Variants in SLC39A11 observed in about 807,000 individuals in gnomAD.
SLC39A11 encodes the protein solute carrier family 39 member 11, also known as zinc transporter ZIP11.
SLC39A11 carries 33 observed loss-of-function variants against 36.1 expected under a neutral mutation model. The observed-to-expected ratio is 0.91, with a 90% CI of 0.69 to 1.22. SLC39A11 has a LOEUF of 1.22. Ranked by LOEUF, SLC39A11 falls within the 50% of genes most tolerant of loss-of-function variation. The pLI, the probability that SLC39A11 is intolerant of heterozygous loss-of-function variation, is 0.00. For synonymous variants in SLC39A11, 166 were observed against 170.3 expected, an observed-to-expected ratio of 0.97 and a Z score of 0.20; for missense variants, 432 against 430.3, an observed-to-expected ratio of 1.00 and a Z score of -0.03.
intron 5 of SLC39A11, among the ~76,000 whole-genome samples, chr17:72,887,920 C>T (rs557105434): frequency 8.5e-5 from 13 of 152,312 alleles, no homozygotes; most frequent in Non-Finnish European, 1.8e-4. Context: ...AGTACTCTTC[C>T]CCACTTCTCA....
At chr17:72,788,387 A>G (rs1206264007) in intron 6 of SLC39A11, among the ~76,000 whole-genome samples, 2 of 152,218 alleles carry the variant, frequency 1.3e-5, no homozygotes, top group African/African-American at 4.8e-5. Flanking sequence ...ATGACATGAC[A>G]TTAGCATCTA....
intron 3 of SLC39A11, among the ~76,000 whole-genome samples, chr17:73,061,839 C>A (rs2059848804): frequency 6.6e-6 from 1 of 151,652 alleles, no homozygotes; most frequent in South Asian, 2.1e-4. Flanking sequence ...TACAAAAAAA[C>A]ACGAAAATTA....
At chr17:73,009,832 T>C (rs201487612) in intron 4 of SLC39A11, among the ~76,000 whole-genome samples, 109 of 152,222 alleles carry the variant, frequency 7.2e-4, no homozygotes, top group East Asian at 3.9e-3. Context: ...TGGTGTGCTG[T>C]ACCCATTAAC....
At chr17:73,078,485 G>T (rs556936252) in intron 3 of SLC39A11, among the ~76,000 whole-genome samples, 4 of 136,266 alleles carry the variant, frequency 2.9e-5, no homozygotes, top group African/African-American at 1.1e-4. Flanking sequence ...TTGTTTGTTT[G>T]TTTTTTGTTG....
rs780844080 is a variant in SLC39A11 at position 73,025,388 on chromosome 17, G to C, written c.306+6168C>G. ...CAAACCAAGCTGCGAAAAGCAAGCA[G>C]CAACAACACAGACAGTATGTTGCCA... is the stretch of plus-strand genomic sequence containing the variant. On this transcript the variant is annotated intron_variant, in intron 4 of 9. Transcript: ENST00000255559. 3.9e-5 allele frequency among the ~76,000 whole-genome samples: 6 copies of C among 152,188 alleles called. No homozygotes were observed. In the South Asian group the frequency reaches 6.2e-4, roughly 16 times the overall value.
Position 72,949,147 on chromosome 17 carries a change from T to G in SLC39A11, c.307-1272A>C, listed in dbSNP as rs1166585813. Among the ~76,000 whole-genome samples, 3 of 53,210 alleles carry G rather than the reference T, an allele frequency of 5.6e-5. No homozygotes were observed. The African/African-American group carries it at 6.2e-4, about 11-fold the overall frequency. 34.9% of individuals were successfully genotyped at this position (53,210 alleles called of 152,430 possible). A position where few individuals can be genotyped will look rare whatever the true frequency, so the allele number is the denominator to read the frequency against. On this transcript the variant is annotated intron_variant, in intron 4 of 9. Transcript: ENST00000255559. The stretch of plus-strand genomic sequence containing the variant: ...TAAAATACCATACACTGGGCAGCTT[T>G]TTTTTTTTTTTTTTTTTTTTTTTTT...
At chr17:72,813,922 C>T (rs1054123783) in intron 6 of SLC39A11, among the ~76,000 whole-genome samples, 7 of 152,160 alleles carry the variant, frequency 4.6e-5, no homozygotes, top group Admixed American at 3.3e-4. Context: ...ACACTGACAG[C>T]GCTACTCACT....
chr17:72,839,516 CT>C (rs1403559937), intron 6 of SLC39A11: 1 of 117,674 alleles, frequency 8.5e-6, no homozygotes, highest in Non-Finnish European at 2.0e-5. Flanking sequence ...CCTGCAGAAG[CT>C]GGAAGAGGCC....
At chr17:72,943,374 A>C (rs1471134610) in intron 5 of SLC39A11, among the ~76,000 whole-genome samples, 3 of 152,274 alleles carry the variant, frequency 2.0e-5, no homozygotes, top group African/African-American at 7.2e-5. Context: ...TCTACAATCT[A>C]TAATCCACTT....
At chr17:72,882,972 T>C (rs2081279357) in intron 5 of SLC39A11, among the ~76,000 whole-genome samples, 1 of 151,900 alleles carries the variant, frequency 6.6e-6, no homozygotes, top group South Asian at 2.1e-4. Context: ...AATTTTTGTA[T>C]TTTTAGTAGA....
At chr17:72,994,048 GAGTTTCACCCA>G (rs1350123259) in intron 4 of SLC39A11, among the ~76,000 whole-genome samples, 11 of 152,064 alleles carry the variant, frequency 7.2e-5, no homozygotes, top group Non-Finnish European at 1.2e-4. Context: ...TTAGCCTCAC[GAGTTTCACCCA>G]AGTTTCACCC....
intron 5 of SLC39A11, among the ~76,000 whole-genome samples, chr17:72,864,039 A>C (rs569042864): frequency 1.1e-3 from 160 of 152,308 alleles, no homozygotes; most frequent in African/African-American, 3.5e-3. Context: ...AGCAAAAAGC[A>C]ACCCAAGACG....
At chr17:73,086,908 T>A (rs1187179671) in intron 2 of SLC39A11, among the ~76,000 whole-genome samples, 1 of 151,866 alleles carries the variant, frequency 6.6e-6, no homozygotes, top group Non-Finnish European at 1.5e-5. Flanking sequence ...CAAAAAAAAT[T>A]AGCTGAGCGT....
rs529469665 is a variant in SLC39A11, at chr17:72,856,380, C to T, written c.431-6576G>A. Reference sequence around the variant, plus strand: ...AAAGATGCCTGCTGCCCAAATGAGGCCTCTTTAAATAACAGTAATATGATT... The same window carrying T: ...AAAGATGCCTGCTGCCCAAATGAGGTCTCTTTAAATAACAGTAATATGATT... On this transcript the variant is annotated intron_variant, in intron 5 of 9. Transcript: ENST00000255559. Among the ~76,000 whole-genome samples, 9 of 152,294 alleles carry T rather than the reference C, an allele frequency of 5.9e-5. No homozygotes were observed. In the South Asian group the frequency reaches 1.9e-3, roughly 32 times the overall value.
intron 6 of SLC39A11, among the ~76,000 whole-genome samples, chr17:72,829,243 G>C (rs535185895): frequency 2.0e-5 from 3 of 151,960 alleles, no homozygotes; most frequent in African/African-American, 7.2e-5. Context: ...AGCTACTCAG[G>C]AAGCTGAGGC....
At chr17:72,686,218 T>C (rs1354186969) in intron 7 of SLC39A11, among the ~76,000 whole-genome samples, 1 of 152,170 alleles carries the variant, frequency 6.6e-6, no homozygotes, top group African/African-American at 2.4e-5. Flanking sequence ...ATCTGCCTTT[T>C]TCCTGGGCTT....
chr17:72,792,010 C>T (rs1461989346), intron 6 of SLC39A11, among the ~76,000 whole-genome samples: 1 of 152,220 alleles, frequency 6.6e-6, no homozygotes, highest in African/African-American at 2.4e-5. Flanking sequence ...TCTCATTTCT[C>T]AGAGAAGAAA....
chr17:72,676,901 A>G (rs2071284445), intron 7 of SLC39A11, among the ~76,000 whole-genome samples: 1 of 152,164 alleles, frequency 6.6e-6, no homozygotes, highest in African/African-American at 2.4e-5. Flanking sequence ...GGAGGAGTGA[A>G]GCCCATCTGG....
At chr17:72,751,713 G>A (rs1417478421) in intron 6 of SLC39A11, among the ~76,000 whole-genome samples, 1 of 152,122 alleles carries the variant, frequency 6.6e-6, no homozygotes, top group East Asian at 1.9e-4. Flanking sequence ...CAGTAGCTGG[G>A]AGTACAGCCA....
Sources: allele counts gnomAD v4.1 joint callset (sites outside exome capture counted in the v4.1 genomes callset), GRCh38; gene constraint gnomAD v4.1.1; transcripts MANE v1.5; gene names NCBI Gene and HGNC (gene_info 2026-07-23, HGNC 2026-07-21).